Variants in SBF1 observed in about 807,000 individuals in gnomAD.
SBF1 encodes myotubularin-related protein 5.
SBF1 carries 65 observed loss-of-function variants against 215.8 expected under a neutral mutation model. The ratio of observed to expected loss-of-function variants is 0.30; its 90% CI spans 0.25 to 0.37. The LOEUF (loss-of-function observed/expected upper bound fraction) is 0.37, where lower values mean the gene tolerates loss of function less well. Among genes scored for constraint, SBF1 ranks in the 10% least tolerant of loss-of-function variants. The pLI is 1.00. For missense variants in SBF1, 2,634 were observed against 2,667.8 expected (o/e 0.99, Z 0.28); for synonymous variants, 1,410 against 1,122.8 (o/e 1.26, Z -5.11).
In SBF1 at chr22:50,465,125, G is replaced by C; in HGVS notation, c.1208C>G (p.Ala403Gly). The change falls in exon 12 of 41, where the codon GCC becomes GGC. Residue 403 changes from alanine (A) to glycine (G), a missense_variant. Physicochemically the swap from Ala to Gly is moderately conservative, Grantham distance 60. Transcript: ENST00000380817. ...PEPVIRFHKA[A>G]FLGQRGLVED... ...TACCAGCCCACGCTGGCCCAGGAAG[G>C]CTGCCTGGATGACAGAAGGAGGTCG... 3 of 1,614,052 alleles carry C rather than the reference G, an allele frequency of 1.9e-6. No individual in the cohort carries two copies. Among genetic ancestry groups the C allele is most frequent in the Non-Finnish European group, 2.5e-6 (3 of 1,179,994 alleles).
chr22:50,466,053 G>C lies in SBF1; in HGVS notation c.919C>G (p.Leu307Val), dbSNP rs564047488. 1.7e-4 allele frequency: 282 copies of C among 1,613,854 alleles called. 4 individuals are homozygous for C. In the South Asian group the frequency reaches 2.9e-3, roughly 17 times the overall value. ...QELLDVIVADLDGGTVTIPEC... is the reference protein window; with the variant it reads ...QELLDVIVADVDGGTVTIPEC... ...GGAATGGTGACCGTCCCTCCATCCAGATCAGCAACAATCACATCGAGCTGC... is the reference window on the plus strand; with the variant it reads ...GGAATGGTGACCGTCCCTCCATCCACATCAGCAACAATCACATCGAGCTGC... Residue 307 changes from leucine to valine, a missense_variant, in exon 9 of 41, where the codon CTG (leucine) becomes GTG (valine). Leu to Val is a conservative substitution (Grantham distance 32, BLOSUM62 1). Coordinates refer to ENST00000380817, the MANE Select transcript of SBF1 (RefSeq NM_002972.4).
At chr22:50,452,140 TAAAAAAA>T (rs374473892) in intron 36 of SBF1, among the ~76,000 whole-genome samples, 3 of 113,222 alleles carry the variant, frequency 2.6e-5, no homozygotes, top group African/African-American at 6.4e-5. Flanking sequence ...ACTGCTGAAT[TAAAAAAA>T]AAAAAAAAAA....
intron 26 of SBF1, 124 bp from the exon 27 acceptor site, chr22:50,459,790 G>A: frequency 3.0e-6 from 4 of 1,333,904 alleles, no homozygotes; most frequent in African/African-American, 1.5e-5. Flanking sequence ...CTCAGCCACG[G>A]GGCCCCCCAG....
At chr22:50,468,985 C>G (rs1005779772) in intron 1 of SBF1, among the ~76,000 whole-genome samples, 1 of 152,204 alleles carries the variant, frequency 6.6e-6, no homozygotes, top group Non-Finnish European at 1.5e-5. Context: ...CAGCCCCAAA[C>G]TCTTCCCTAT....
rs757757533 is a variant in SBF1 at position 50,468,418 on chromosome 22, C to T, written c.99G>A (p.Glu33=). ...GGAATGGGTTGTCCTCCCAGTCCTT[C>T]TCTGGGAAGCGCTGCAGAATCTGGC... is the stretch of plus-strand genomic sequence containing the variant. The part of the protein sequence containing the change: ...GQGQILQRFP[E]KDWEDNPFPQ... The change falls in exon 2 of 41, where the codon GAG becomes GAA. Residue 33 remains glutamate (E), a synonymous_variant. Coordinates refer to ENST00000380817, the MANE Select transcript of SBF1 (RefSeq NM_002972.4). 1.9e-6 allele frequency: 3 copies of T among 1,612,714 alleles called. No individual in the cohort carries two copies. In the South Asian group the frequency reaches 3.3e-5, roughly 18 times the overall value.
intron 22 of SBF1, 47 bp from the exon 23 acceptor site, chr22:50,461,333 G>A (rs756408972): frequency 3.8e-6 from 6 of 1,564,918 alleles, no homozygotes; most frequent in African/African-American, 2.7e-5. Flanking sequence ...GTAAGGGGGG[G>A]GGGGTCCCAG....
At chr22:50,464,211 C>T (rs1259007011) in intron 15 of SBF1, 118 bp downstream of exon 15, 1 of 844,486 alleles carries the variant, frequency 1.2e-6, no homozygotes. Context: ...CCACCTCTAG[C>T]TGTCTGTTAG....
intron 36 of SBF1, among the ~76,000 whole-genome samples, chr22:50,453,153 G>A (rs981505388): frequency 1.3e-5 from 2 of 152,090 alleles, no homozygotes; most frequent in Non-Finnish European, 2.9e-5. Flanking sequence ...TACATTCTGT[G>A]TACAAGAAAC....
intron 28 of SBF1, among the ~76,000 whole-genome samples, chr22:50,457,551 G>C (rs747754338): frequency 6.6e-6 from 1 of 152,248 alleles, no homozygotes; most frequent in Non-Finnish European, 1.5e-5. Context: ...AGGTGCCCAA[G>C]AGGTGTGGCC....
Position 50,474,809 on chromosome 22 carries a change from A to G in SBF1, c.32T>C (p.Val11Ala). 6.9e-7 allele frequency: 1 copy of G among 1,454,270 alleles called. No individual in the cohort carries two copies. The highest frequency in any genetic ancestry group is 9.0e-7 in the Non-Finnish European group (1 of 1,107,044). 90.1% of individuals were successfully genotyped at this position (1,454,270 alleles called of 1,614,324 possible). Residue 11 changes from valine to alanine, a missense_variant, in exon 1 of 41, where the codon GTG becomes GCG. Coordinates refer to ENST00000380817, the MANE Select transcript of SBF1 (RefSeq NM_002972.4). The stretch of plus-strand genomic sequence containing the variant: ...ACCGCGCGGGTGCGGCCCGAACGCC[A>G]CCAGCACGAAGTAGTCCGCGAGCCG... MARLADYFVLVAFGPHPRGSG... is the reference protein window; with the variant it reads MARLADYFVLAAFGPHPRGSG...
At chr22:50,470,567 G>A (rs2067960406) in intron 1 of SBF1, among the ~76,000 whole-genome samples, 1 of 152,016 alleles carries the variant, frequency 6.6e-6, no homozygotes. Flanking sequence ...GGCCCTTCAG[G>A]TCTCAGCCCA....
At position 50,474,987 on chromosome 22, in the gene SBF1, G is replaced by A. The variant is rs1345832088; in HGVS notation, c.-147C>T. Reference sequence around the variant, plus strand: ...CTCCGCGGCGGCGGCGGCGGCGGCGGCGGCGGCCCAGGTTCCCGCCGCCAT... The same window carrying A: ...CTCCGCGGCGGCGGCGGCGGCGGCGACGGCGGCCCAGGTTCCCGCCGCCAT... On this transcript the variant is annotated 5_prime_UTR_variant, in exon 1 of 41. Coordinates refer to ENST00000380817, the MANE Select transcript of SBF1 (RefSeq NM_002972.4). 5 of 332,362 alleles carry A rather than the reference G, an allele frequency of 1.5e-5. No individual in the cohort carries two copies. Among genetic ancestry groups the A allele is most frequent in the Admixed American group, 6.0e-5 (1 of 16,652 alleles). 20.6% of individuals were successfully genotyped at this position (332,362 alleles called of 1,614,324 possible). A position where few individuals can be genotyped will look rare whatever the true frequency, so the allele number is the denominator to read the frequency against.
intron 36 of SBF1, among the ~76,000 whole-genome samples, chr22:50,451,795 CTTTT>C (rs869258302): frequency 5.0e-5 from 7 of 139,622 alleles, no homozygotes; most frequent in Admixed American, 7.3e-5. Flanking sequence ...AAAGTAATAT[CTTTT>C]TTTTTTTTTT....
chr22:50,473,710 G>A (rs1362994329), intron 1 of SBF1, among the ~76,000 whole-genome samples: 1 of 152,142 alleles, frequency 6.6e-6, no homozygotes, highest in African/African-American at 2.4e-5. Context: ...ACAAAAAACA[G>A]GGTAACTGGG....
Position 50,466,645 on chromosome 22 carries a change from G to A in SBF1, c.615C>T (p.Pro205=), listed in dbSNP as rs373623627. 1.4e-3 allele frequency: 2,246 copies of A among 1,552,184 alleles called. 7 individuals carry two copies. Among genetic ancestry groups the A allele is most frequent in the South Asian group, 1.5e-3 (130 of 84,164 alleles). ...VIQTPLADSL[P]VSRCSVALLF... is the part of the protein sequence containing the mutation. ...GCAGGGCCACGCTGCAGCGGCTGAC[G>A]GGCAGCGAGTCGGCCAGTGGAGTCT... The change falls in exon 6 of 41, where the codon CCC becomes CCT. Residue 205 remains proline (P), a synonymous_variant. Coordinates refer to ENST00000380817, the MANE Select transcript of SBF1 (RefSeq NM_002972.4).
At chr22:50,458,557 T>C (rs2067357711) in intron 28 of SBF1, among the ~76,000 whole-genome samples, 1 of 151,988 alleles carries the variant, frequency 6.6e-6, no homozygotes, top group African/African-American at 2.4e-5. Flanking sequence ...ACAGGGCGAT[T>C]GTAAAATGTA....
At chr22:50,472,313 C>T (rs1202815454) in intron 1 of SBF1, among the ~76,000 whole-genome samples, 3 of 152,182 alleles carry the variant, frequency 2.0e-5, no homozygotes, top group Non-Finnish European at 4.4e-5. Context: ...CCCTCAGCAC[C>T]CTGGTGCTGC....
chr22:50,447,201 C>G lies in SBF1; in HGVS notation c.5623G>C (p.Asp1875His). Residue 1875 changes from aspartate to histidine, a missense_variant, in exon 41 of 41, where the codon GAC becomes CAC. Transcript: ENST00000380817. ...TRRVYNFCAQDVPSAQQWVDR... is the reference protein window; with the variant it reads ...TRRVYNFCAQHVPSAQQWVDR... ...ACCCACTGCTGGGCCGAGGGCACGT[C>G]CTGGGCACAGAAGTTGTAAACGCGA... The G allele has an allele frequency of 6.2e-7, 1 of 1,613,834 alleles. No individual in the cohort carries two copies. Among genetic ancestry groups the G allele is most frequent in the Non-Finnish European group, 8.5e-7 (1 of 1,179,992 alleles).
rs1173677729 is a variant in SBF1, at chr22:50,459,615, C to T, written c.3543G>A (p.Gln1181=). 6.2e-7 allele frequency: 1 copy of T among 1,609,956 alleles called. No homozygotes were observed. The highest frequency in any genetic ancestry group is 8.5e-7 in the Non-Finnish European group (1 of 1,178,894). The change falls in exon 27 of 41, where the codon CAG becomes CAA. Residue 1181 remains glutamine (Q), a synonymous_variant. Transcript: ENST00000380817. ...VPQSVQDNAL[Q]RVSRCYRQNR... ...TCTGGCGGTAGCAGCGGGACACGCG[C>T]TGCAGGGCGTTGTCCTGGACACTCT...
Sources: allele counts gnomAD v4.1 joint callset (sites outside exome capture counted in the v4.1 genomes callset), GRCh38; gene constraint gnomAD v4.1.1; transcripts MANE v1.5; gene names NCBI Gene and HGNC (gene_info 2026-07-23, HGNC 2026-07-21).